Variants in ANKS1B observed in about 807,000 individuals in gnomAD.
ANKS1B encodes ankyrin repeat and sterile alpha motif domain-containing protein 1B.
Under a neutral mutation model 148.3 loss-of-function variants are expected in ANKS1B, and 36 were observed. The ratio of observed to expected loss-of-function variants is 0.24; its 90% CI spans 0.19 to 0.32. ANKS1B has a LOEUF of 0.32. ANKS1B is among the 10% of genes least tolerant of loss of function. The pLI is 1.00. For synonymous variants in ANKS1B, 542 were observed against 560.8 expected (o/e 0.97, Z 0.47); for missense variants, 1,157 against 1,542.6 (o/e 0.75, Z 4.19).
chr12:99,436,201 G>A (rs1250491864), intron 11 of ANKS1B, among the ~76,000 whole-genome samples: 1 of 151,796 alleles, frequency 6.6e-6, no homozygotes, highest in African/African-American at 2.4e-5. Flanking sequence ...CACCCTTCTA[G>A]AATATCAGTA....
At chr12:98,942,465 G>A (rs1032754267) in intron 17 of ANKS1B, among the ~76,000 whole-genome samples, 2 of 152,074 alleles carry the variant, frequency 1.3e-5, no homozygotes, top group Non-Finnish European at 2.9e-5. Context: ...GTGCAAAGGG[G>A]ATGGCTTTCT....
At chr12:99,501,023 C>T (rs2096650267) in intron 10 of ANKS1B, among the ~76,000 whole-genome samples, 1 of 152,074 alleles carries the variant, frequency 6.6e-6, no homozygotes. Flanking sequence ...CTGTTCCACT[C>T]ATTCATTGAG....
intron 10 of ANKS1B, among the ~76,000 whole-genome samples, chr12:99,465,723 A>G (rs948177944): frequency 1.3e-5 from 2 of 152,242 alleles, no homozygotes; most frequent in Admixed American, 1.3e-4. Flanking sequence ...TAAAGGGATC[A>G]ATTCAACAAG....
chr12:98,894,996 C>T (rs1471032677), intron 17 of ANKS1B: 1 of 802,070 alleles, frequency 1.2e-6, no homozygotes, highest in Non-Finnish European at 1.5e-6. Flanking sequence ...GCGGCAGCGG[C>T]GGCGGCGGCG....
intron 4 of ANKS1B, among the ~76,000 whole-genome samples, chr12:99,786,174 T>C (rs77790874): frequency 0.011 from 1,642 of 152,318 alleles, 33 homozygotes; most frequent in African/African-American, 0.038. Context: ...CTTCCTGATA[T>C]AGCATACTTC....
At chr12:99,213,211 TC>T (rs2083601753) in intron 14 of ANKS1B, among the ~76,000 whole-genome samples, 1 of 152,246 alleles carries the variant, frequency 6.6e-6, no homozygotes. Context: ...TAGCGTCATT[TC>T]AGCATCCGCA....
chr12:99,666,884 GTGTGTGTGTGT>G, intron 8 of ANKS1B, among the ~76,000 whole-genome samples: 1 of 145,158 alleles, frequency 6.9e-6, no homozygotes, highest in Non-Finnish European at 1.5e-5. Context: ...GTGTGTGTGT[GTGTGTGTGTGT>G]GGTGAGGACA....
chr12:99,303,433 AT>A (rs1244556038), intron 12 of ANKS1B, among the ~76,000 whole-genome samples: 4 of 152,130 alleles, frequency 2.6e-5, no homozygotes, highest in Admixed American at 6.6e-5. Context: ...TAAAACAAAT[AT>A]TTATTGAGGT....
In ANKS1B at chr12:99,772,910, C is replaced by T. The variant is rs144731269; in HGVS notation, c.1128+12G>A. ...CAGACACATTATCTTCATTCCCCCC[C>T]GCCTTACTTACTACACTCTGGCTTC... On this transcript the variant is annotated intron_variant, in intron 8 of 26. Transcript: ENST00000683438. The T allele has an allele frequency of 4.4e-6, 7 of 1,605,256 alleles. No individual in the cohort carries two copies. The highest frequency in any genetic ancestry group is 2.2e-5 in the East Asian group (1 of 44,670).
At chr12:99,728,579 G>C (rs1156382057) in intron 8 of ANKS1B, among the ~76,000 whole-genome samples, 1 of 152,140 alleles carries the variant, frequency 6.6e-6, no homozygotes, top group African/African-American at 2.4e-5. Flanking sequence ...ATTCGTCAAG[G>C]ATCTAGAACC....
intron 16 of ANKS1B, among the ~76,000 whole-genome samples, chr12:99,058,403 C>T (rs1325812570): frequency 1.2e-4 from 18 of 151,792 alleles, no homozygotes; most frequent in African/African-American, 4.1e-4. Context: ...ACCACTACAC[C>T]CGGCTAATTT....
intron 17 of ANKS1B, among the ~76,000 whole-genome samples, chr12:99,022,959 T>C (rs1037306319): frequency 3.3e-5 from 5 of 152,212 alleles, no homozygotes; most frequent in African/African-American, 9.6e-5. Context: ...CAGATGTTCA[T>C]AGGCTTGTAT....
intron 22 of ANKS1B, among the ~76,000 whole-genome samples, chr12:98,792,621 C>T (rs1394940260): frequency 6.6e-6 from 1 of 152,182 alleles, no homozygotes; most frequent in Non-Finnish European, 1.5e-5. Context: ...CTACCCTTTC[C>T]TGGCTTTGAT....
At chr12:98,867,469 A>G (rs2099630497) in intron 17 of ANKS1B, among the ~76,000 whole-genome samples, 1 of 152,246 alleles carries the variant, frequency 6.6e-6, no homozygotes, top group Admixed American at 6.5e-5. Flanking sequence ...TCAAAATGAA[A>G]TATGACCAAA....
At chr12:99,727,660 A>G (rs1422779485) in intron 8 of ANKS1B, among the ~76,000 whole-genome samples, 1 of 152,214 alleles carries the variant, frequency 6.6e-6, no homozygotes, top group Non-Finnish European at 1.5e-5. Context: ...ATATGGAACC[A>G]AACAAGAGCC....
chr12:99,393,573 G>A (rs1459462211), intron 12 of ANKS1B, among the ~76,000 whole-genome samples: 1 of 152,172 alleles, frequency 6.6e-6, no homozygotes, highest in Non-Finnish European at 1.5e-5. Flanking sequence ...GGAAATTGTT[G>A]TACTGATTTA....
intron 17 of ANKS1B, among the ~76,000 whole-genome samples, chr12:98,986,662 T>C (rs1472060938): frequency 6.6e-6 from 1 of 152,198 alleles, no homozygotes; most frequent in East Asian, 1.9e-4. Context: ...TCACCCAGCC[T>C]GGAGTGCAGT....
intron 12 of ANKS1B, among the ~76,000 whole-genome samples, chr12:99,388,428 C>A (rs1278995378): frequency 6.6e-6 from 1 of 152,148 alleles, no homozygotes; most frequent in Non-Finnish European, 1.5e-5. Context: ...ATCCTTCCCT[C>A]TTTATTGTGT....
intron 8 of ANKS1B, among the ~76,000 whole-genome samples, chr12:99,732,652 C>T (rs986009724): frequency 3.3e-5 from 5 of 152,228 alleles, no homozygotes; most frequent in Non-Finnish European, 7.4e-5. Context: ...TATTTTATAT[C>T]TTTATTATGG....
Sources: gnomAD v4.1 joint callset for allele counts (sites outside exome capture counted in the v4.1 genomes callset) on GRCh38, gnomAD v4.1.1 for gene constraint, MANE v1.5 for transcripts, NCBI Gene and HGNC (gene_info 2026-07-23, HGNC 2026-07-21) for gene names.